Variants in MARCHF1 observed in about 807,000 individuals in gnomAD.
The protein encoded by MARCHF1 is E3 ubiquitin-protein ligase MARCHF1.
MARCHF1 carries 40 observed loss-of-function variants against 54.2 expected under a neutral mutation model. The ratio of observed to expected loss-of-function variants is 0.74; its 90% CI spans 0.57 to 0.96. MARCHF1 has a LOEUF of 0.96. Among genes scored for constraint, MARCHF1 ranks in the 40% least tolerant of loss-of-function variants. The pLI is 0.00. For missense variants in MARCHF1, 586 were observed against 656.5 expected (o/e 0.89, Z 1.17); for synonymous variants, 236 against 236.3 (o/e 1.00, Z 0.01).
intron 1 of MARCHF1, among the ~76,000 whole-genome samples, chr4:164,250,705 T>G (rs1042512445): frequency 6.6e-6 from 1 of 152,032 alleles, no homozygotes; most frequent in South Asian, 2.1e-4. Context: ...CTGTTACAAC[T>G]AAAGCAATTT....
At chr4:163,991,137 G>T (rs1752960273) in intron 2 of MARCHF1, among the ~76,000 whole-genome samples, 2 of 152,114 alleles carry the variant, frequency 1.3e-5, no homozygotes, top group Admixed American at 1.3e-4. Flanking sequence ...CTGGAAAAGT[G>T]AATTTATTTC....
chr4:163,932,999 A>G lies in MARCHF1; in HGVS notation c.-39+55502T>C, dbSNP rs969758174. On this transcript the variant is annotated intron_variant, in intron 3 of 9. Coordinates refer to ENST00000514618, the MANE Select transcript of MARCHF1 (RefSeq NM_001394959.1). ...TTGATATAAGCAAGAAAGAGATACA[A>G]TCCACACATCCAATCTGCCTGGGGC... 20 of 953,054 alleles carry G rather than the reference A, an allele frequency of 2.1e-5. 1 individual carries two copies. Among genetic ancestry groups the G allele is most frequent in the South Asian group, 1.9e-4 (15 of 77,840 alleles). 59.0% of individuals were successfully genotyped at this position (953,054 alleles called of 1,614,324 possible).
chr4:163,905,667 C>T (rs573839993), intron 3 of MARCHF1, among the ~76,000 whole-genome samples: 1 of 152,138 alleles, frequency 6.6e-6, no homozygotes, highest in Non-Finnish European at 1.5e-5. Flanking sequence ...CAGATTTAGG[C>T]AACCTGTGTT....
chr4:163,749,140 T>C (rs1448835248), intron 4 of MARCHF1, among the ~76,000 whole-genome samples: 4 of 152,166 alleles, frequency 2.6e-5, no homozygotes, highest in Non-Finnish European at 5.9e-5. Context: ...AACTTATTCC[T>C]GAGAATTTTA....
At chr4:163,929,978 T>C (rs1751631045) in intron 3 of MARCHF1, among the ~76,000 whole-genome samples, 1 of 131,104 alleles carries the variant, frequency 7.6e-6, no homozygotes, top group Non-Finnish European at 1.6e-5. Flanking sequence ...ATATAATATA[T>C]ATAATATATA....
chr4:164,302,255 T>C (rs967233240), intron 1 of MARCHF1, among the ~76,000 whole-genome samples: 6 of 152,254 alleles, frequency 3.9e-5, no homozygotes, highest in Admixed American at 1.3e-4. Context: ...CCCAAAACAT[T>C]GGGCTTCTTA....
At chr4:164,276,416 T>C (rs1186562492) in intron 1 of MARCHF1, among the ~76,000 whole-genome samples, 2 of 152,136 alleles carry the variant, frequency 1.3e-5, no homozygotes, top group African/African-American at 2.4e-5. Flanking sequence ...TCTCACTCTA[T>C]ACTATCTCTG....
intron 4 of MARCHF1, among the ~76,000 whole-genome samples, chr4:163,772,130 A>G (rs1205916584): frequency 1.3e-5 from 2 of 152,168 alleles, no homozygotes; most frequent in African/African-American, 2.4e-5. Context: ...GGCTTTTACA[A>G]TTGTACAGCT....
chr4:163,623,525 C>T (rs1741758979), intron 5 of MARCHF1, among the ~76,000 whole-genome samples: 1 of 152,138 alleles, frequency 6.6e-6, no homozygotes, highest in Non-Finnish European at 1.5e-5. Context: ...CTTGCACAAG[C>T]CTAAATGGGA....
At chr4:163,748,724 C>A (rs1309794901) in intron 4 of MARCHF1, among the ~76,000 whole-genome samples, 1 of 152,236 alleles carries the variant, frequency 6.6e-6, no homozygotes. Flanking sequence ...TGGCTGCACA[C>A]ATCCCATTTC....
At chr4:164,071,035 C>G (rs914170567) in intron 2 of MARCHF1, among the ~76,000 whole-genome samples, 1 of 152,194 alleles carries the variant, frequency 6.6e-6, no homozygotes, top group Non-Finnish European at 1.5e-5. Context: ...CACCATGATT[C>G]TGAGGCTTCC....
At chr4:163,945,897 C>T (rs1237668521) in intron 3 of MARCHF1, among the ~76,000 whole-genome samples, 1 of 152,026 alleles carries the variant, frequency 6.6e-6, no homozygotes, top group Admixed American at 6.6e-5. Context: ...AGTCACCCTT[C>T]TAATGCTGAG....
chr4:163,694,738 G>A (rs985575664), intron 5 of MARCHF1, among the ~76,000 whole-genome samples: 5 of 152,102 alleles, frequency 3.3e-5, no homozygotes, highest in African/African-American at 9.7e-5. Flanking sequence ...AGAGATTTGA[G>A]CTAAAAATAT....
chr4:163,739,318 A>C (rs1459787146), intron 4 of MARCHF1, among the ~76,000 whole-genome samples: 1 of 152,224 alleles, frequency 6.6e-6, no homozygotes, highest in Non-Finnish European at 1.5e-5. Context: ...TCACTGGACA[A>C]GTCACAAAAG....
At chr4:164,096,436 G>T (rs532040498) in intron 2 of MARCHF1, among the ~76,000 whole-genome samples, 1 of 152,036 alleles carries the variant, frequency 6.6e-6, no homozygotes, top group Non-Finnish European at 1.5e-5. Flanking sequence ...AAGGAAGGAG[G>T]GAAAGGGCTG....
At chr4:164,107,381 G>C (rs1755729699) in intron 2 of MARCHF1, among the ~76,000 whole-genome samples, 1 of 152,082 alleles carries the variant, frequency 6.6e-6, no homozygotes, top group Non-Finnish European at 1.5e-5. Flanking sequence ...TAACTTTTAA[G>C]ACAGAATCTC....
At chr4:163,832,566 C>T (rs932592918) in intron 4 of MARCHF1, among the ~76,000 whole-genome samples, 2 of 143,298 alleles carry the variant, frequency 1.4e-5, no homozygotes, top group Non-Finnish European at 3.0e-5. Context: ...TCATCTAGCT[C>T]AAAGTTGGAT....
intron 4 of MARCHF1, among the ~76,000 whole-genome samples, chr4:163,819,009 A>G (rs553514356): frequency 6.6e-6 from 1 of 152,076 alleles, no homozygotes; most frequent in Non-Finnish European, 1.5e-5. Context: ...TTATCTGTCC[A>G]ATGACAATAT....
intron 4 of MARCHF1, among the ~76,000 whole-genome samples, chr4:163,769,892 T>C (rs1405067712): frequency 2.6e-5 from 4 of 152,140 alleles, no homozygotes; most frequent in Non-Finnish European, 4.4e-5. Context: ...GATCCACTTA[T>C]ATGTGCATTT....
Sources: allele counts gnomAD v4.1 joint callset (sites outside exome capture counted in the v4.1 genomes callset), GRCh38; gene constraint gnomAD v4.1.1; transcripts MANE v1.5; gene names NCBI Gene and HGNC (gene_info 2026-07-23, HGNC 2026-07-21).